Variants in SKIC3 observed in about 807,000 individuals in gnomAD.
SKIC3 encodes SKI3 subunit of superkiller complex, also known as superkiller complex protein 3.
At chr5:95,514,800 TAGTC>T in the SKIC3 span, 2 of 1,559,470 alleles carry the variant, frequency 1.3e-6, no homozygotes, top group East Asian at 2.3e-5. Flanking sequence ...TTATGCATAT[TAGTC>T]AGTTATTGAT....
the SKIC3 span, among the ~76,000 whole-genome samples, chr5:95,511,494 C>G: frequency 0.07 from 10,727 of 152,200 alleles, 445 homozygotes; most frequent in South Asian, 0.14. Context: ...GCAAACCCCC[C>G]CAAGTGCTGA....
chr5:95,525,354 A>C, the SKIC3 span: 2 of 1,552,866 alleles, frequency 1.3e-6, no homozygotes, highest in African/African-American at 2.7e-5. Flanking sequence ...AAATATAAAG[A>C]ACTAAGATGT....
At chr5:95,538,654 T>C in the SKIC3 span, among the ~76,000 whole-genome samples, 6 of 152,164 alleles carry the variant, frequency 3.9e-5, no homozygotes, top group East Asian at 5.8e-4. Flanking sequence ...AGGAGAATGA[T>C]AGACATATTT....
chr5:95,528,740 C>A, the SKIC3 span: 1 of 447,840 alleles, frequency 2.2e-6, no homozygotes, highest in Non-Finnish European at 4.1e-6. Flanking sequence ...GACAGAGGAC[C>A]TCCACACCCA....
the SKIC3 span, among the ~76,000 whole-genome samples, chr5:95,552,087 T>TA: frequency 6.6e-6 from 1 of 152,312 alleles, no homozygotes; most frequent in Non-Finnish European, 1.5e-5. Context: ...TGGTTGAACT[T>TA]ACAATTTTTT....
chr5:95,466,049 C>T, the SKIC3 span, among the ~76,000 whole-genome samples: 1,413 of 152,224 alleles, frequency 9.3e-3, 22 homozygotes, highest in African/African-American at 0.032. Flanking sequence ...TCAGCTTTTA[C>T]GTTTCACCAA....
the SKIC3 span, chr5:95,478,208 A>G: frequency 2.0e-6 from 3 of 1,498,294 alleles, no homozygotes; most frequent in Non-Finnish European, 2.7e-6. Flanking sequence ...CTTCAATTGA[A>G]TATTACTATG....
the SKIC3 span, chr5:95,498,672 C>T: frequency 7.5e-7 from 1 of 1,331,564 alleles, no homozygotes; most frequent in South Asian, 1.3e-5. Context: ...GTCGCCCAGG[C>T]TGGAGTGCAG....
chr5:95,474,466 C>T, the SKIC3 span, among the ~76,000 whole-genome samples: 6 of 152,156 alleles, frequency 3.9e-5, no homozygotes, highest in African/African-American at 7.2e-5. Context: ...GCTTCTAGCT[C>T]GTAACATTTC....
At chr5:95,523,767 A>G in the SKIC3 span, 1 of 1,613,648 alleles carries the variant, frequency 6.2e-7, no homozygotes, top group Non-Finnish European at 8.5e-7. Flanking sequence ...TTTATCTCCC[A>G]CTACGTCTCT....
At chr5:95,471,838 T>C in the SKIC3 span, among the ~76,000 whole-genome samples, 1 of 152,158 alleles carries the variant, frequency 6.6e-6, no homozygotes, top group Non-Finnish European at 1.5e-5. Context: ...ACTCCCAACT[T>C]CATGGGTAGT....
the SKIC3 span, chr5:95,528,198 T>C: frequency 6.2e-7 from 1 of 1,612,192 alleles, no homozygotes; most frequent in Non-Finnish European, 8.5e-7. Flanking sequence ...ATATCACTTC[T>C]GTTTATTTTT....
chr5:95,516,795 C>A, the SKIC3 span: 1 of 1,595,180 alleles, frequency 6.3e-7, no homozygotes, highest in Admixed American at 1.7e-5. Flanking sequence ...CTTGGAATAG[C>A]AGCATGTATA....
chr5:95,526,383 T>C, the SKIC3 span, among the ~76,000 whole-genome samples: 2 of 152,166 alleles, frequency 1.3e-5, no homozygotes, highest in Admixed American at 6.5e-5. Flanking sequence ...ATTTTCTGTA[T>C]ATTAGTAGTT....
At chr5:95,517,082 T>C in the SKIC3 span, 1 of 1,613,598 alleles carries the variant, frequency 6.2e-7, no homozygotes, top group Non-Finnish European at 8.5e-7. Context: ...TAAAAGTGAA[T>C]GTTTTTTGTT....
the SKIC3 span, among the ~76,000 whole-genome samples, chr5:95,510,291 A>G: frequency 0.23 from 34,442 of 152,198 alleles, 4,980 homozygotes; most frequent in African/African-American, 0.41. Flanking sequence ...ATTCCTGGGC[A>G]CAGGCTAAAC....
the SKIC3 span, among the ~76,000 whole-genome samples, chr5:95,546,714 G>T: frequency 6.6e-6 from 1 of 152,020 alleles, no homozygotes; most frequent in East Asian, 1.9e-4. Flanking sequence ...TATAATCTTG[G>T]TCCTCTCATC....
At chr5:95,530,454 A>G in the SKIC3 span, among the ~76,000 whole-genome samples, 1 of 152,308 alleles carries the variant, frequency 6.6e-6, no homozygotes, top group African/African-American at 2.4e-5. Context: ...AGTAGAAACC[A>G]CTTTAGGATT....
chr5:95,478,405 C>G, the SKIC3 span: 1 of 1,613,918 alleles, frequency 6.2e-7, no homozygotes, highest in East Asian at 2.2e-5. Context: ...CTCTGCAGCT[C>G]TCATCATTCC....
Sources: allele counts gnomAD v4.1 joint callset (sites outside exome capture counted in the v4.1 genomes callset), GRCh38; gene constraint gnomAD v4.1.1; transcripts MANE v1.5; gene names NCBI Gene and HGNC (gene_info 2026-07-23, HGNC 2026-07-21).